LIFR: variants seen among roughly 807,000 people sequenced by gnomAD.
The protein encoded by LIFR is LIF receptor subunit alpha, also known as leukemia inhibitory factor receptor.
LIFR carries 84 observed loss-of-function variants against 122.2 expected under a neutral mutation model. The observed-to-expected ratio is 0.69, with a 90% confidence interval of 0.58 to 0.82. The LOEUF (loss-of-function observed/expected upper bound fraction) is 0.82. Ranked by LOEUF, LIFR falls within the 40% of genes least tolerant of loss-of-function variation. The probability of loss-of-function intolerance (pLI) is 0.00; values close to 1 mark genes in which losing one functional copy is unlikely to be tolerated. For synonymous variants in LIFR, 422 were observed against 434.7 expected, an observed-to-expected ratio of 0.97 and a Z score of 0.36; for missense variants, 1,294 against 1,311.6, an observed-to-expected ratio of 0.99 and a Z score of 0.21.
intron 5 of LIFR, among the ~76,000 whole-genome samples, chr5:38,512,689 A>G (rs1745865193): frequency 6.6e-6 from 1 of 152,024 alleles, no homozygotes; most frequent in Non-Finnish European, 1.5e-5. Context: ...CAAGTCTGAA[A>G]TGCTCCAGTG....
chr5:38,602,621 T>G (rs1750242911), intron 2 of LIFR, among the ~76,000 whole-genome samples: 1 of 152,204 alleles, frequency 6.6e-6, no homozygotes, highest in African/African-American at 2.4e-5. Context: ...TCTGAGTTCT[T>G]CAAGGACAGG....
chr5:38,510,322 G>A, intron 7 of LIFR, 142 bp downstream of exon 7: 2 of 765,750 alleles, frequency 2.6e-6, no homozygotes, highest in Non-Finnish European at 4.3e-6. Flanking sequence ...TAGTGCCTTT[G>A]TATAGCCTTT....
At chr5:38,505,572 C>T (rs902961845) in intron 9 of LIFR, among the ~76,000 whole-genome samples, 2 of 151,988 alleles carry the variant, frequency 1.3e-5, no homozygotes, top group African/African-American at 2.4e-5. Context: ...CTGGGAATAG[C>T]CAGGGGATGG....
chr5:38,580,894 T>C (rs1749558845), intron 1 of LIFR, among the ~76,000 whole-genome samples: 1 of 152,152 alleles, frequency 6.6e-6, no homozygotes, highest in Non-Finnish European at 1.5e-5. Flanking sequence ...GTGCTTCAGA[T>C]GCTTATTACC....
intron 1 of LIFR, among the ~76,000 whole-genome samples, chr5:38,578,085 A>T (rs1380989993): frequency 6.6e-6 from 1 of 152,192 alleles, no homozygotes; most frequent in African/African-American, 2.4e-5. Flanking sequence ...TGCATTGGTA[A>T]CATCTAGTTT....
chr5:38,487,258 A>T (rs1744336350), intron 16 of LIFR, among the ~76,000 whole-genome samples: 1 of 152,204 alleles, frequency 6.6e-6, no homozygotes, highest in Non-Finnish European at 1.5e-5. Flanking sequence ...AACATGGGGA[A>T]AGTAAATGTT....
At chr5:38,524,059 G>A (rs1048325694) in intron 4 of LIFR, among the ~76,000 whole-genome samples, 1 of 152,164 alleles carries the variant, frequency 6.6e-6, no homozygotes, top group African/African-American at 2.4e-5. Context: ...CAACATCAGA[G>A]AGAAGAAAAC....
intron 18 of LIFR, among the ~76,000 whole-genome samples, chr5:38,484,033 C>T (rs1744140544): frequency 6.6e-6 from 1 of 152,204 alleles, no homozygotes; most frequent in Admixed American, 6.5e-5. Flanking sequence ...AGGCACACAG[C>T]TCCTCCCACT....
intron 16 of LIFR, among the ~76,000 whole-genome samples, chr5:38,487,778 C>G (rs1744367122): frequency 6.6e-6 from 1 of 152,088 alleles, no homozygotes; most frequent in Admixed American, 6.5e-5. Context: ...TGTAGTTAGG[C>G]CCTTCAGTTC....
chr5:38,490,210 A>G lies in LIFR; in HGVS notation c.2147T>C (p.Ile716Thr), dbSNP rs776096733. The change falls in exon 15 of 20, where the codon ATT becomes ACT. Residue 716 changes from isoleucine (I) to threonine (T), a missense_variant. Transcript: ENST00000453190. Reference sequence around the variant, plus strand: ...CTTACCCAATTCTTCTATATATCCAATCATGGAGCGTAATAATTGATATCC... The same window carrying G: ...CTTACCCAATTCTTCTATATATCCAGTCATGGAGCGTAATAATTGATATCC... The part of the protein sequence containing the change: ...NQGYQLLRSM[I>T]GYIEELAPIV... The G allele has an allele frequency of 9.7e-6, 15 of 1,539,884 alleles. No homozygotes were observed. In the East Asian group the frequency reaches 3.2e-4, roughly 33 times the overall value.
At chr5:38,531,649 T>C (rs1274385512) in intron 1 of LIFR, among the ~76,000 whole-genome samples, 3 of 151,968 alleles carry the variant, frequency 2.0e-5, no homozygotes, top group African/African-American at 7.2e-5. Context: ...AAGAAAAAGA[T>C]TGAGTAATCT....
At chr5:38,504,722 T>C (rs945703433) in intron 9 of LIFR, among the ~76,000 whole-genome samples, 1 of 151,978 alleles carries the variant, frequency 6.6e-6, no homozygotes, top group Admixed American at 6.6e-5. Flanking sequence ...ACATGGGAAA[T>C]AAGGCTGAAA....
At chr5:38,514,680 T>C (rs758658836) in intron 5 of LIFR, among the ~76,000 whole-genome samples, 1 of 152,210 alleles carries the variant, frequency 6.6e-6, no homozygotes, top group Non-Finnish European at 1.5e-5. Context: ...CTCCCTCTAT[T>C]CATCGCTCCA....
intron 1 of LIFR, among the ~76,000 whole-genome samples, chr5:38,570,252 C>T (rs905989385): frequency 3.3e-5 from 5 of 152,134 alleles, no homozygotes. Flanking sequence ...TTAATAAGTA[C>T]ATGTAAGTGT....
intron 1 of LIFR, among the ~76,000 whole-genome samples, chr5:38,541,210 C>T (rs1747573831): frequency 6.6e-6 from 1 of 152,110 alleles, no homozygotes; most frequent in African/African-American, 2.4e-5. Context: ...ATATGAAAAA[C>T]ATAACAGCAC....
upstream of LIFR, among the ~76,000 whole-genome samples, chr5:38,559,552 T>G (rs868712836): frequency 6.6e-6 from 1 of 152,250 alleles, no homozygotes. Flanking sequence ...TATTTACTTT[T>G]TGCAATTTCA....
chr5:38,484,405 T>A (rs956341715), intron 18 of LIFR, among the ~76,000 whole-genome samples: 2 of 152,224 alleles, frequency 1.3e-5, no homozygotes, highest in African/African-American at 4.8e-5. Context: ...AATGAGCAAA[T>A]GATTAAAATG....
chr5:38,573,982 G>A (rs774004478), intron 1 of LIFR, among the ~76,000 whole-genome samples: 5 of 152,094 alleles, frequency 3.3e-5, no homozygotes, highest in Admixed American at 1.3e-4. Context: ...GAGCATGGTG[G>A]CATATGCCTG....
chr5:38,500,922 G>A (rs533151972), intron 11 of LIFR, among the ~76,000 whole-genome samples: 84 of 152,238 alleles, frequency 5.5e-4, no homozygotes, highest in African/African-American at 1.9e-3. Flanking sequence ...GGAGGAACTG[G>A]CTGCCATGTC....
Sources: gnomAD v4.1 joint callset for allele counts (sites outside exome capture counted in the v4.1 genomes callset) on GRCh38, gnomAD v4.1.1 for gene constraint, MANE v1.5 for transcripts, NCBI Gene and HGNC (gene_info 2026-07-23, HGNC 2026-07-21) for gene names.